The following POLE variants were observed in gnomAD, a reference collection of about 807,000 sequenced individuals.
The protein encoded by POLE is DNA polymerase epsilon, catalytic subunit.
Under a neutral mutation model 279.2 loss-of-function variants are expected in POLE, and 188 were observed. The ratio of observed to expected loss-of-function variants is 0.67; its 90% CI spans 0.60 to 0.76. The LOEUF is 0.76. POLE is among the 30% of genes least tolerant of loss of function. The pLI, the probability that POLE is intolerant of heterozygous loss-of-function variation, is 0.00. For synonymous variants in POLE, 1,214 were observed against 1,172.5 expected, an observed-to-expected ratio of 1.04 and a Z score of -0.72; for missense variants, 2,703 against 3,016.7, an observed-to-expected ratio of 0.90 and a Z score of 2.44.
intron 29 of POLE, among the ~76,000 whole-genome samples, chr12:132,654,571 C>T (rs756652810): frequency 1.3e-5 from 2 of 152,080 alleles, no homozygotes; most frequent in African/African-American, 2.4e-5. Context: ...AAATAAAAAA[C>T]TCTGTCCTGA....
chr12:132,643,797 G>C (rs1425550976), intron 33 of POLE, 40 bp downstream of exon 33: 13 of 1,600,970 alleles, frequency 8.1e-6, no homozygotes, highest in Non-Finnish European at 1.1e-5. Flanking sequence ...CACCCTGCTG[G>C]AGCCTCCCCC....
At position 132,648,928 on chromosome 12, in the gene POLE, C is replaced by T. The variant is rs1212936945; in HGVS notation, c.4149+1G>A. 1.9e-6 allele frequency: 3 copies of T among 1,611,058 alleles called. No individual in the cohort carries two copies. Among genetic ancestry groups the T allele is most frequent in the Non-Finnish European group, 2.5e-6 (3 of 1,178,016 alleles). On this transcript the variant is annotated splice_donor_variant, in intron 32 of 48. Coordinates refer to ENST00000320574, the MANE Select transcript of POLE (RefSeq NM_006231.4). LOFTEE classifies it high-confidence loss of function. ...CAGAGGCAGCACCAGCTCCTCCCTA[C>T]CTTGCGATACGAAGCACCCTCCTCC...
chr12:132,624,922 G>C lies in POLE; in HGVS notation c.6730C>G (p.Leu2244Val). ...GAGCCCACCTGGGTGTGGATGGTGAGGGCGAAGTCTCCCGCGCAGCTGCAG... is the reference window on the plus strand; with the variant it reads ...GAGCCCACCTGGGTGTGGATGGTGACGGCGAAGTCTCCCGCGCAGCTGCAG... ...VYCSCAGDFALTIHTQVFMEQ... is the reference protein window; with the variant it reads ...VYCSCAGDFAVTIHTQVFMEQ... The change falls in exon 48 of 49, where the codon CTC becomes GTC. Residue 2244 changes from leucine (L) to valine (V), a missense_variant. Around this residue, in one of 5 missense-constraint regions of POLE, gnomAD observed 1,551 missense variants for 1,686.1 expected, o/e 0.92. Transcript: ENST00000320574. 6.2e-7 allele frequency: 1 copy of C among 1,614,008 alleles called. No homozygotes were observed. Among genetic ancestry groups the C allele is most frequent in the South Asian group, 1.1e-5 (1 of 91,078 alleles).
intron 20 of POLE, among the ~76,000 whole-genome samples, chr12:132,666,554 C>T (rs1428218097): frequency 6.6e-6 from 1 of 152,238 alleles, no homozygotes; most frequent in Non-Finnish European, 1.5e-5. Context: ...TGTGCTCCAA[C>T]CTTGGTGACA....
rs750902578 is a variant in POLE at position 132,649,735 on chromosome 12, G to A, written c.3737C>T (p.Thr1246Met). The change falls in exon 30 of 49, where the codon ACG (threonine) becomes ATG (methionine). Residue 1246 changes from threonine to methionine, a missense_variant. Physicochemically the swap from Thr to Met is moderately conservative, Grantham distance 81. This residue lies in a region of POLE where 1,551 missense variants were observed against 1,686.1 expected (regional missense o/e 0.92). Transcript: ENST00000320574. Reference protein sequence around the residue: ...WESQEESQDLTPTVPWQEILG... With the variant: ...WESQEESQDLMPTVPWQEILG... ...GATTTCCTGCCAGGGCACAGTCGGCGTGAGGTCCTGGGACTCCTCCTGGCT... is the reference window on the plus strand; with the variant it reads ...GATTTCCTGCCAGGGCACAGTCGGCATGAGGTCCTGGGACTCCTCCTGGCT... 8.1e-6 allele frequency: 13 copies of A among 1,614,094 alleles called. No homozygotes were observed. In the East Asian group the frequency reaches 1.1e-4, roughly 14 times the overall value.
At position 132,647,152 on chromosome 12, in the gene POLE, T is replaced by C. The variant is rs765642211; in HGVS notation, c.4149+1777A>G. Among the ~76,000 whole-genome samples the C allele has an allele frequency of 7.2e-5, 11 of 152,182 alleles. No homozygotes were observed. In the South Asian group the frequency reaches 8.3e-4, roughly 11 times the overall value. On this transcript the variant is annotated intron_variant, in intron 32 of 48. Transcript: ENST00000320574. ...TGTACCTTAACATACCTAACGTGTGTGTGTTGGGCGGGATTTGGCTACGGT... is the reference window on the plus strand; with the variant it reads ...TGTACCTTAACATACCTAACGTGTGCGTGTTGGGCGGGATTTGGCTACGGT...
chr12:132,625,791 A>T (rs754061171), intron 46 of POLE, 21 bp from the exon 47 acceptor site: 1 of 1,604,748 alleles, frequency 6.2e-7, no homozygotes, highest in Non-Finnish European at 8.5e-7. Flanking sequence ...CAAGAGTGCG[A>T]GAGGTCACCA....
chr12:132,682,311 A>AAAAAAAAAAT (rs1555230620), intron 1 of POLE, among the ~76,000 whole-genome samples: 1 of 74,380 alleles, frequency 1.3e-5, no homozygotes, highest in African/African-American at 3.5e-5. Context: ...AAAATAAATA[A>AAAAAAAAAAT]AAATAAATAA....
At chr12:132,648,476 G>A (rs2042338406) in intron 32 of POLE, 1 of 152,846 alleles carries the variant, frequency 6.5e-6, no homozygotes, top group African/African-American at 2.4e-5. Context: ...TTCTGCACAT[G>A]GATCCCAGAA....
chr12:132,644,065 T>TG, intron 32 of POLE, 88 bp from the exon 33 acceptor site: 2 of 1,342,084 alleles, frequency 1.5e-6, no homozygotes, highest in Non-Finnish European at 9.9e-7. Context: ...TTCGGAGTCC[T>TG]AGACTTCTGG....
rs749751724 is a variant in POLE, at chr12:132,657,352, C to T, written c.3456G>A (p.Gln1152=). ...GTGCCACTGACCCCGCCCTTACCTG[C>T]TGCAGGGCCGCAGGGATGGTGATGA... ...QKIITIPAAL[Q]QVKNPVPRVK... Residue 1152 remains glutamine (Q), a synonymous_variant, in exon 28 of 49, where the codon CAG becomes CAA. Transcript: ENST00000320574. The T allele has an allele frequency of 2.5e-6, 4 of 1,614,156 alleles. No individual in the cohort carries two copies. The South Asian group carries it at 4.4e-5, about 18-fold the overall frequency.
In POLE at chr12:132,680,684, C is replaced by CG; in HGVS notation, c.207dup (p.Glu70ArgfsTer5). On this transcript the variant is annotated frameshift_variant, in exon 3 of 49. Transcript: ENST00000320574. LOFTEE classifies it high-confidence loss of function. ...AAGCGCTTATCTTCATCTAAAATCT[C>CG]GGTCTACAAGAGAATCAGTCAACAC... The CG allele has an allele frequency of 6.2e-7, 1 of 1,612,524 alleles. No homozygotes were observed. Among genetic ancestry groups the CG allele is most frequent in the Non-Finnish European group, 8.5e-7 (1 of 1,178,560 alleles).
intron 16 of POLE, among the ~76,000 whole-genome samples, chr12:132,670,959 T>C (rs766281692): frequency 6.6e-6 from 1 of 152,098 alleles, no homozygotes; most frequent in Non-Finnish European, 1.5e-5. Flanking sequence ...GACTAGTGAA[T>C]CTATTACAAG....
At chr12:132,650,273 A>T (rs1474866098) in intron 29 of POLE, 1 of 245,322 alleles carries the variant, frequency 4.1e-6, no homozygotes, top group Non-Finnish European at 8.1e-6. Flanking sequence ...ATCTAGTATA[A>T]GTATATCACC....
Position 132,642,594 on chromosome 12 carries a change from G to A in POLE, c.4864C>T (p.Leu1622=), listed in dbSNP as rs2042172947. 1.2e-6 allele frequency: 2 copies of A among 1,613,604 alleles called. No homozygotes were observed. The highest frequency in any genetic ancestry group is 8.5e-7 in the Non-Finnish European group (1 of 1,180,038). ...CGGGCTCCATGGCGCTGCCAGTCCA[G>A]GACCCCATAGTTGATCTTGTCAGCC... The part of the protein sequence containing the change: ...CVADKINYGV[L]DWQRHGARRM... The change falls in exon 37 of 49, where the codon CTG becomes TTG. Residue 1622 remains leucine, a synonymous_variant. Transcript: ENST00000320574.
At chr12:132,665,505 CAA>C in intron 20 of POLE, 55 bp from the exon 21 acceptor site, 1 of 1,558,018 alleles carries the variant, frequency 6.4e-7, no homozygotes, top group African/African-American at 1.4e-5. Flanking sequence ...TCACATTCTA[CAA>C]AGTCAATAGC....
intron 16 of POLE, among the ~76,000 whole-genome samples, chr12:132,669,858 G>A (rs925938419): frequency 6.6e-6 from 1 of 152,198 alleles, no homozygotes; most frequent in African/African-American, 2.4e-5. Flanking sequence ...ACACAAAGGC[G>A]ATCCTGGGCT....
chr12:132,647,698 CAT>C (rs2042317599), intron 32 of POLE, among the ~76,000 whole-genome samples: 1 of 152,206 alleles, frequency 6.6e-6, no homozygotes, highest in African/African-American at 2.4e-5. Context: ...AGCTGATAGT[CAT>C]AAAGGGAAAC....
At chr12:132,638,388 T>C (rs2138504234) in intron 40 of POLE, 1 of 302,214 alleles carries the variant, frequency 3.3e-6, no homozygotes, top group East Asian at 5.7e-5. Flanking sequence ...ATGGCAACTT[T>C]TTGTATGGAG....
Sources: allele counts gnomAD v4.1 joint callset (sites outside exome capture counted in the v4.1 genomes callset), GRCh38; gene constraint gnomAD v4.1.1; regional missense constraint gnomAD v4.1.1; transcripts MANE v1.5; gene names NCBI Gene and HGNC (gene_info 2026-07-23, HGNC 2026-07-21).